Variants in GTPBP10 observed in about 807,000 individuals in gnomAD.
GTPBP10 encodes GTP binding protein 10, also known as GTP-binding protein 10.
A neutral mutation model predicts 44.8 loss-of-function variants in GTPBP10; 38 were observed. That is an observed-to-expected ratio of 0.85 (90% CI 0.65 to 1.11). The LOEUF is 1.11. GTPBP10 is among the 50% of genes most tolerant of loss of function. The pLI is 0.00. For synonymous variants in GTPBP10, 152 were observed against 150.6 expected (o/e 1.01, Z -0.07); for missense variants, 462 against 453.7 (o/e 1.02, Z -0.17).
rs776414525 is a variant in GTPBP10 at position 90,359,087 on chromosome 7, A to G, written c.464+3857A>G. 6.6e-5 allele frequency among the ~76,000 whole-genome samples: 10 copies of G among 152,276 alleles called. No homozygotes were observed. The South Asian group carries it at 1.5e-3, about 22-fold the overall frequency. Reference sequence around the variant, plus strand: ...GGTCATTATGGAAAAGTCAAAAAACAATACGTGCTGACATAGATGTGGGGA... The same window carrying G: ...GGTCATTATGGAAAAGTCAAAAAACGATACGTGCTGACATAGATGTGGGGA... On this transcript the variant is annotated intron_variant, in intron 4 of 9. Transcript: ENST00000222511.
intron 1 of GTPBP10, among the ~76,000 whole-genome samples, chr7:90,349,566 AG>A (rs1354741824): frequency 6.6e-6 from 1 of 152,198 alleles, no homozygotes; most frequent in Non-Finnish European, 1.5e-5. Context: ...TATCCAACAA[AG>A]ACTGGCAGCT....
intron 2 of GTPBP10, among the ~76,000 whole-genome samples, chr7:90,354,205 A>G (rs1179175824): frequency 6.6e-6 from 1 of 152,138 alleles, no homozygotes; most frequent in East Asian, 1.9e-4. Context: ...TTCGGGTTAA[A>G]ATGACCTTTG....
In GTPBP10 at chr7:90,391,270, G is replaced by GACTATA. The variant is rs10692117; in HGVS notation, c.*6119_*6120insATAACT. 36,392 of 151,800 alleles carry GACTATA rather than the reference G, an allele frequency of 0.24. 4,578 individuals carry two copies. The highest frequency in any genetic ancestry group is 0.31 in the African/African-American group (12,976 of 41,342). 9.4% of individuals were successfully genotyped at this position (151,800 alleles called of 1,614,324 possible). A position where few individuals can be genotyped will look rare whatever the true frequency, so the allele number is the denominator to read the frequency against. On this transcript the variant is annotated 3_prime_UTR_variant, in exon 10 of 10. Coordinates refer to ENST00000222511, the MANE Select transcript of GTPBP10 (RefSeq NM_033107.4). ...CATTTAATATTTTTGGACCACAGTT[G>GACTATA]ACTGAAACTGAGGATGGGAGGAAGG...
rs183237411 is a variant in GTPBP10, at chr7:90,362,184, G to A, written c.464+6954G>A. 1.8e-3 allele frequency among the ~76,000 whole-genome samples: 271 copies of A among 152,120 alleles called. 1 individual carries two copies. Among genetic ancestry groups the A allele is most frequent in the Non-Finnish European group, 2.5e-4 (17 of 67,988 alleles). On this transcript the variant is annotated intron_variant, in intron 4 of 9. Transcript: ENST00000222511. ...TCTTGCTTTCTGCTAGCTTTTGAAT[G>A]TGTTTGTTCTTGCTTCTCTAGTTCT...
chr7:90,362,427 A>G (rs1267504496), intron 4 of GTPBP10, among the ~76,000 whole-genome samples: 2 of 152,112 alleles, frequency 1.3e-5, no homozygotes, highest in Non-Finnish European at 2.9e-5. Flanking sequence ...TTCAGTTTCC[A>G]TGTAGTTGAG....
chr7:90,350,087 ACAGGTCC>A (rs1795760421), intron 1 of GTPBP10, among the ~76,000 whole-genome samples: 1 of 152,024 alleles, frequency 6.6e-6, no homozygotes. Context: ...CAACCCCATG[ACAGGTCC>A]CAGTGTGTGA....
intron 4 of GTPBP10, among the ~76,000 whole-genome samples, chr7:90,367,591 T>G (rs1181009440): frequency 1.3e-5 from 2 of 152,192 alleles, no homozygotes. Context: ...TATCAGAGAC[T>G]AGGATTGCAA....
intron 1 of GTPBP10, among the ~76,000 whole-genome samples, chr7:90,349,498 G>C (rs560635320): frequency 6.6e-6 from 1 of 152,256 alleles, no homozygotes; most frequent in African/African-American, 2.4e-5. Context: ...CCTGACTTCA[G>C]GGAGAAAGCA....
chr7:90,362,250 G>A (rs75328647), intron 4 of GTPBP10, among the ~76,000 whole-genome samples: 2 of 151,888 alleles, frequency 1.3e-5, no homozygotes, highest in Admixed American at 1.3e-4. Context: ...GATCTTTCCT[G>A]CTTTCTCTTG....
At chr7:90,360,177 C>G (rs1278913064) in intron 4 of GTPBP10, among the ~76,000 whole-genome samples, 2 of 152,020 alleles carry the variant, frequency 1.3e-5, no homozygotes, top group Non-Finnish European at 2.9e-5. Context: ...TCTTTTGTTG[C>G]CATTGCTTTT....
At chr7:90,356,422 A>G (rs142856112) in intron 4 of GTPBP10, among the ~76,000 whole-genome samples, 251 of 152,334 alleles carry the variant, frequency 1.6e-3, no homozygotes, top group African/African-American at 5.8e-3. Context: ...AGTCCAGCCA[A>G]TCACAGTTGC....
Position 90,372,223 on chromosome 7 carries a change from A to G in GTPBP10, c.533A>G (p.Tyr178Cys). ...CATGCAAAACCTGCAATTGCAGATT[A>G]CGCATGTAAGTGTAATTTGATTGTA... ...VSHAKPAIAD[Y>C]AFTTLKPELG... Residue 178 changes from tyrosine (Y) to cysteine (C), a missense_variant, in exon 5 of 10, where the codon TAC becomes TGC. Coordinates refer to ENST00000222511, the MANE Select transcript of GTPBP10 (RefSeq NM_033107.4). The G allele has an allele frequency of 1.9e-6, 3 of 1,591,986 alleles. No homozygotes were observed. The highest frequency in any genetic ancestry group is 2.6e-6 in the Non-Finnish European group (3 of 1,163,612).
chr7:90,377,796 A>G (rs1796366148), intron 7 of GTPBP10, 182 bp downstream of exon 7: 1 of 215,110 alleles, frequency 4.6e-6, no homozygotes, highest in South Asian at 1.6e-4. Flanking sequence ...CATACTTGCC[A>G]ACATGTATTT....
Position 90,385,312 on chromosome 7 carries a change from TAGA to T in GTPBP10, c.*161_*163del. 1.8e-6 allele frequency: 1 copy of T among 560,550 alleles called. No individual in the cohort carries two copies. The highest frequency in any genetic ancestry group is 3.1e-6 in the Non-Finnish European group (1 of 327,406). 34.7% of individuals were successfully genotyped at this position (560,550 alleles called of 1,614,324 possible). On this transcript the variant is annotated 3_prime_UTR_variant, in exon 10 of 10. Coordinates refer to ENST00000222511, the MANE Select transcript of GTPBP10 (RefSeq NM_033107.4). ...ACTGTGGAATCTTAAGTTGAACTCA[TAGA>T]AGGAGAGAATAGAATGGTGGTTATC...
chr7:90,373,694 C>T (rs922302094), intron 5 of GTPBP10, among the ~76,000 whole-genome samples: 1 of 152,084 alleles, frequency 6.6e-6, no homozygotes, highest in African/African-American at 2.4e-5. Context: ...AAATTTCAGC[C>T]ACAGATCCAG....
In GTPBP10 at chr7:90,389,344, A is replaced by C. The variant is rs1259557467; in HGVS notation, c.*4190A>C. 1 of 152,096 alleles carries C rather than the reference A, an allele frequency of 6.6e-6. No homozygotes were observed. Among genetic ancestry groups the C allele is most frequent in the African/African-American group, 2.4e-5 (1 of 41,412 alleles). 9.4% of individuals were successfully genotyped at this position (152,096 alleles called of 1,614,324 possible). Reference sequence around the variant, plus strand: ...TTTTTTAAAGTTGGATGGTGAATACATGAGTTGTTTTTTAAACTCTTTTGG... The same window carrying C: ...TTTTTTAAAGTTGGATGGTGAATACCTGAGTTGTTTTTTAAACTCTTTTGG... On this transcript the variant is annotated 3_prime_UTR_variant, in exon 10 of 10. Coordinates refer to ENST00000222511, the MANE Select transcript of GTPBP10 (RefSeq NM_033107.4).
chr7:90,362,325 A>G (rs1796039865), intron 4 of GTPBP10, among the ~76,000 whole-genome samples: 1 of 151,850 alleles, frequency 6.6e-6, no homozygotes, highest in Non-Finnish European at 1.5e-5. Flanking sequence ...AGATACTGGT[A>G]TGTTGTATGT....
intron 4 of GTPBP10, among the ~76,000 whole-genome samples, chr7:90,368,100 A>G (rs1353839547): frequency 6.6e-6 from 1 of 152,044 alleles, no homozygotes; most frequent in Non-Finnish European, 1.5e-5. Context: ...GGAATGTTGA[A>G]TATTGGCCCC....
rs560646012 is a variant in GTPBP10, at chr7:90,360,818, G to A, written c.464+5588G>A. Among the ~76,000 whole-genome samples, 16 of 152,266 alleles carry A rather than the reference G, an allele frequency of 1.1e-4. No homozygotes were observed. The South Asian group carries it at 3.1e-3, about 30-fold the overall frequency. ...TTTGTGTCCTCTTTTATTTCGTTGA[G>A]CAGTGGTTTGTGGTTCTTGAAGAGG... is the stretch of plus-strand genomic sequence containing the variant. On this transcript the variant is annotated intron_variant, in intron 4 of 9. Transcript: ENST00000222511.
Sources: allele counts gnomAD v4.1 joint callset (sites outside exome capture counted in the v4.1 genomes callset), GRCh38; gene constraint gnomAD v4.1.1; transcripts MANE v1.5; gene names NCBI Gene and HGNC (gene_info 2026-07-23, HGNC 2026-07-21).